The following MEI4 variants were observed in gnomAD, a reference collection of about 807,000 sequenced individuals.
MEI4 encodes the protein meiotic double-stranded break formation protein 4, also known as meiosis-specific protein MEI4.
In MEI4, 27 loss-of-function variants were observed where a neutral mutation model predicts 31.4. That is an observed-to-expected ratio of 0.86 (90% CI 0.63 to 1.19). MEI4 has a LOEUF of 1.19. Among genes scored for constraint, MEI4 ranks in the 50% most tolerant of loss-of-function variants. MEI4 has a pLI of 0.00. For missense variants in MEI4, 329 were observed against 398.9 expected (o/e 0.82, Z 1.49); for synonymous variants, 122 against 145.4 (o/e 0.84, Z 1.16).
chr6:77,859,290 T>C (rs572651753), intron 4 of MEI4, among the ~76,000 whole-genome samples: 25 of 152,290 alleles, frequency 1.6e-4, no homozygotes, highest in Middle Eastern at 3.4e-3. Flanking sequence ...GGGTTGGTTC[T>C]ATATCTTTGC....
chr6:77,923,096 C>G lies in MEI4; in HGVS notation c.908C>G (p.Ala303Gly). The G allele has an allele frequency of 8.1e-7, 1 of 1,229,858 alleles. No homozygotes were observed. Among genetic ancestry groups the G allele is most frequent in the Non-Finnish European group, 1.0e-6 (1 of 986,366 alleles). The allele number at this position is 1,229,858 out of a possible 1,614,324, so 76.2% of individuals were successfully genotyped here. Reference protein sequence around the residue: ...DDLGAINQEQASYDVSRYENI... With the variant: ...DDLGAINQEQGSYDVSRYENI... ...TTTGTTGTTTATTTGTAGGAGCAAG[C>G]CAGTTATGATGTGTCACGCTATGAA... Residue 303 changes from alanine (A) to glycine (G), a missense_variant, in exon 5 of 5, where the codon GCC becomes GGC. By Grantham distance (60) the Ala-to-Gly change is moderately conservative (BLOSUM62 0). Transcript: ENST00000684080.
In MEI4 at chr6:77,701,006, A is replaced by G. The variant is rs944066617; in HGVS notation, c.232+10103A>G. Reference sequence around the variant, plus strand: ...AAAAGAAGTGTACATACCCAGTGACACATTTCTCAAAACCTTTTTTGTGAT... The same window carrying G: ...AAAAGAAGTGTACATACCCAGTGACGCATTTCTCAAAACCTTTTTTGTGAT... On this transcript the variant is annotated intron_variant, in intron 2 of 4. Transcript: ENST00000684080. 1.3e-5 allele frequency among the ~76,000 whole-genome samples: 2 copies of G among 152,222 alleles called. 1 individual carries two copies. The highest frequency in any genetic ancestry group is 4.1e-4 in the South Asian group (2 of 4,834).
intron 4 of MEI4, among the ~76,000 whole-genome samples, chr6:77,853,999 T>G (rs186473193): frequency 1.3e-5 from 2 of 152,304 alleles, no homozygotes; most frequent in Admixed American, 6.5e-5. Flanking sequence ...AAATGTCAGT[T>G]CTTGTTGGAG....
chr6:77,923,017 A>ATATC, intron 4 of MEI4, 72 bp from the exon 5 acceptor site: 3 of 933,632 alleles, frequency 3.2e-6, no homozygotes, highest in Non-Finnish European at 4.2e-6. Context: ...TGAAACTCTG[A>ATATC]TATCTTTATA....
intron 3 of MEI4, among the ~76,000 whole-genome samples, chr6:77,804,790 T>A (rs975889465): frequency 6.6e-6 from 1 of 152,222 alleles, no homozygotes. Context: ...CTGAAGTATA[T>A]CCATGTTTGA....
chr6:77,776,947 A>C (rs768586772), intron 3 of MEI4, among the ~76,000 whole-genome samples: 1 of 152,174 alleles, frequency 6.6e-6, no homozygotes, highest in African/African-American at 2.4e-5. Flanking sequence ...GAAACAACTT[A>C]TGCTATGTAG....
chr6:77,742,865 TA>T (rs1335471540), intron 2 of MEI4, among the ~76,000 whole-genome samples: 1 of 152,052 alleles, frequency 6.6e-6, no homozygotes, highest in African/African-American at 2.4e-5. Flanking sequence ...CAGCACCATT[TA>T]TTAAATAGGG....
Position 77,926,044 on chromosome 6 carries a change from G to A in MEI4, c.*2698G>A, listed in dbSNP as rs1254337067. 2.0e-5 allele frequency: 3 copies of A among 151,782 alleles called. No homozygotes were observed. The highest frequency in any genetic ancestry group is 2.9e-5 in the Non-Finnish European group (2 of 67,920). The allele number at this position is 151,782 out of a possible 1,614,324, so 9.4% of individuals were successfully genotyped here. A position where few individuals can be genotyped will look rare whatever the true frequency, so the allele number is the denominator to read the frequency against. ...CACAACACCAGGAAGTGGCAGTTAG[G>A]TTTCATCCTGAGGCAGTCCATCTTC... On this transcript the variant is annotated 3_prime_UTR_variant, in exon 5 of 5. Coordinates refer to ENST00000684080, the MANE Select transcript of MEI4 (RefSeq NM_001322247.2).
chr6:77,917,201 T>G (rs1766579790), intron 4 of MEI4, among the ~76,000 whole-genome samples: 1 of 152,114 alleles, frequency 6.6e-6, no homozygotes, highest in Admixed American at 6.6e-5. Context: ...TCCAAGTCTT[T>G]GCTATTGTGA....
chr6:77,814,373 A>T (rs981752404), intron 3 of MEI4, among the ~76,000 whole-genome samples: 1 of 150,320 alleles, frequency 6.7e-6, no homozygotes, highest in South Asian at 2.1e-4. Context: ...CAATCTTGCA[A>T]AAGGAAGAAT....
chr6:77,875,864 T>G (rs1771321868), intron 4 of MEI4, among the ~76,000 whole-genome samples: 1 of 152,142 alleles, frequency 6.6e-6, no homozygotes, highest in African/African-American at 2.4e-5. Context: ...CAAATGATAC[T>G]CTTCACGGGA....
At chr6:77,870,219 T>A (rs1771158074) in intron 4 of MEI4, among the ~76,000 whole-genome samples, 1 of 152,184 alleles carries the variant, frequency 6.6e-6, no homozygotes, top group African/African-American at 2.4e-5. Context: ...TTTAGAATAC[T>A]CTCTCACCAT....
intron 3 of MEI4, among the ~76,000 whole-genome samples, chr6:77,781,166 G>T (rs1768588426): frequency 6.6e-6 from 1 of 151,940 alleles, no homozygotes; most frequent in South Asian, 2.1e-4. Flanking sequence ...CCAATGTGCT[G>T]GAATCATAGG....
intron 4 of MEI4, among the ~76,000 whole-genome samples, chr6:77,873,780 T>G (rs1163128374): frequency 6.6e-6 from 1 of 152,206 alleles, no homozygotes; most frequent in Non-Finnish European, 1.5e-5. Flanking sequence ...TTAATTTTTG[T>G]ATAAGGTGTA....
chr6:77,695,304 T>G (rs930489286), intron 2 of MEI4, among the ~76,000 whole-genome samples: 14 of 152,090 alleles, frequency 9.2e-5, no homozygotes, highest in African/African-American at 3.4e-4. Flanking sequence ...TTTGTTGCCA[T>G]TGCTTTTGGT....
chr6:77,841,316 T>TATATATATATATATAC lies in MEI4; in HGVS notation c.900+12269_900+12270insCATATATATATATATA, dbSNP rs201655667. Among the ~76,000 whole-genome samples the TATATATATATATATAC allele has an allele frequency of 3.5e-3, 152 of 43,348 alleles. 3 individuals carry two copies. The highest frequency in any genetic ancestry group is 0.017 in the East Asian group (10 of 602). The allele number at this position is 43,348 out of a possible 152,430, so 28.4% of individuals were successfully genotyped here. On this transcript the variant is annotated intron_variant, in intron 4 of 4. Coordinates refer to ENST00000684080, the MANE Select transcript of MEI4 (RefSeq NM_001322247.2). ...CTGAGAAAGGTTACAAATGTGTGCA[T>TATATATATATATATAC]ATATATATATATATATATTTTTTTT...
chr6:77,923,413 G>GAAAAGATTTTCAATAGTATTTTAA lies in MEI4; in HGVS notation c.*68_*91dup, dbSNP rs1460330452. On this transcript the variant is annotated 3_prime_UTR_variant, in exon 5 of 5. Transcript: ENST00000684080. ...GTAGAATATATGAAAATCTCATACT[G>GAAAAGATTTTCAATAGTATTTTAA]AAAAGATTTTCAATAGTATTTTAAT... 287 of 1,145,778 alleles carry GAAAAGATTTTCAATAGTATTTTAA rather than the reference G, an allele frequency of 2.5e-4. No individual in the cohort carries two copies. The highest frequency in any genetic ancestry group is 3.0e-4 in the Non-Finnish European group (269 of 911,016). The allele number at this position is 1,145,778 out of a possible 1,614,324, so 71.0% of individuals were successfully genotyped here.
intron 4 of MEI4, among the ~76,000 whole-genome samples, chr6:77,902,177 G>A (rs1766199534): frequency 6.6e-6 from 1 of 151,850 alleles, no homozygotes; most frequent in Non-Finnish European, 1.5e-5. Context: ...AGATTGCTTT[G>A]GCTATTTGAG....
chr6:77,749,716 C>T (rs1237223438), intron 2 of MEI4, among the ~76,000 whole-genome samples: 1 of 152,156 alleles, frequency 6.6e-6, no homozygotes, highest in Admixed American at 6.6e-5. Context: ...GCCAGGAGAA[C>T]TTCCCCAAAC....
Sources: allele counts gnomAD v4.1 joint callset (sites outside exome capture counted in the v4.1 genomes callset), GRCh38; gene constraint gnomAD v4.1.1; transcripts MANE v1.5; gene names NCBI Gene and HGNC (gene_info 2026-07-23, HGNC 2026-07-21).